The following CDC5L variants were observed in gnomAD, a reference collection of about 807,000 sequenced individuals.
CDC5L encodes cell division cycle 5 like, also known as cell division cycle 5-like protein.
Under a neutral mutation model 104.1 loss-of-function variants are expected in CDC5L, and 18 were observed. That is an observed-to-expected ratio of 0.17 (90% CI 0.12 to 0.26). The LOEUF (loss-of-function observed/expected upper bound fraction) is 0.26. Among genes scored for constraint, CDC5L ranks in the 10% least tolerant of loss-of-function variants. The pLI, the probability that CDC5L is intolerant of heterozygous loss-of-function variation, is 1.00. For missense variants in CDC5L, 673 were observed against 956.9 expected (o/e 0.70, Z 3.91); for synonymous variants, 331 against 322.7 (o/e 1.03, Z -0.28).
chr6:44,419,157 T>A (rs1229190460), intron 8 of CDC5L, among the ~76,000 whole-genome samples: 1 of 152,152 alleles, frequency 6.6e-6, no homozygotes, highest in East Asian at 1.9e-4. Flanking sequence ...CTTTAATCCA[T>A]CTTGAATTAA....
At chr6:44,399,795 A>G (rs1181363183) in intron 5 of CDC5L, among the ~76,000 whole-genome samples, 1 of 152,066 alleles carries the variant, frequency 6.6e-6, no homozygotes, top group Non-Finnish European at 1.5e-5. Flanking sequence ...CTGGGACTAC[A>G]GGTGCCCGCC....
chr6:44,423,145 A>G (rs111325207), intron 10 of CDC5L, among the ~76,000 whole-genome samples: 16 of 152,230 alleles, frequency 1.1e-4, no homozygotes, highest in African/African-American at 3.6e-4. Context: ...ATTGGGCCTT[A>G]TTATCTAATG....
intron 14 of CDC5L, among the ~76,000 whole-genome samples, chr6:44,434,191 T>G (rs1792820197): frequency 6.6e-6 from 1 of 152,180 alleles, no homozygotes; most frequent in Non-Finnish European, 1.5e-5. Context: ...CAACATGAAT[T>G]GAATTTGTTT....
chr6:44,388,679 T>C (rs1305744471), intron 1 of CDC5L, among the ~76,000 whole-genome samples: 1 of 151,576 alleles, frequency 6.6e-6, no homozygotes, highest in Non-Finnish European at 1.5e-5. Flanking sequence ...TGGCTTCTTT[T>C]TTTTTTTTTT....
At chr6:44,413,718 G>C (rs1199161514) in intron 8 of CDC5L, among the ~76,000 whole-genome samples, 2 of 152,062 alleles carry the variant, frequency 1.3e-5, no homozygotes, top group Non-Finnish European at 2.9e-5. Context: ...CGAGTAGCTG[G>C]TACTACAGGC....
chr6:44,429,692 T>G (rs1263379248), intron 13 of CDC5L, 21 bp from the exon 14 acceptor site: 2 of 1,607,126 alleles, frequency 1.2e-6, no homozygotes, highest in Non-Finnish European at 1.7e-6. Flanking sequence ...TTAAACTTAT[T>G]GAAATTATTA....
intron 8 of CDC5L, among the ~76,000 whole-genome samples, chr6:44,414,828 T>G (rs976967482): frequency 6.6e-6 from 1 of 152,220 alleles, no homozygotes; most frequent in African/African-American, 2.4e-5. Context: ...GCTTATGCAT[T>G]TAATCTTATC....
intron 5 of CDC5L, among the ~76,000 whole-genome samples, chr6:44,397,833 C>CTTTCCCCTTT (rs1561968275): frequency 1.3e-5 from 2 of 152,228 alleles, no homozygotes. Context: ...ATTTTCTTCA[C>CTTTCCCCTTT]TTTCCCCTTT....
intron 10 of CDC5L, 52 bp from the exon 11 acceptor site, chr6:44,424,367 T>C: frequency 3.3e-6 from 5 of 1,512,098 alleles, no homozygotes; most frequent in Non-Finnish European, 4.5e-6. Flanking sequence ...CATAAAATAC[T>C]GGTGGAATGT....
At chr6:44,441,325 G>GT (rs1247275441) in intron 14 of CDC5L, among the ~76,000 whole-genome samples, 1 of 152,122 alleles carries the variant, frequency 6.6e-6, no homozygotes, top group Non-Finnish European at 1.5e-5. Flanking sequence ...AGGATTTCCT[G>GT]TTTTTTAAAG....
At chr6:44,399,812 C>T (rs1791037471) in intron 5 of CDC5L, among the ~76,000 whole-genome samples, 1 of 152,086 alleles carries the variant, frequency 6.6e-6, no homozygotes, top group Non-Finnish European at 1.5e-5. Context: ...CGCCACCACA[C>T]CCGGCTAATT....
At chr6:44,411,633 A>AGTGTGTGTGTGTGT (rs780216018) in intron 8 of CDC5L, among the ~76,000 whole-genome samples, 16,930 of 57,266 alleles carry the variant, frequency 0.3, 1,202 homozygotes, top group South Asian at 0.37. Flanking sequence ...AGAGAGAGAG[A>AGTGTGTGTGTGTGT]GAGAGTGTGT....
chr6:44,441,929 G>GTTTTTTT (rs1185055855), intron 14 of CDC5L, among the ~76,000 whole-genome samples: 3 of 110,656 alleles, frequency 2.7e-5, no homozygotes, highest in African/African-American at 3.7e-5. Context: ...GTAAGGTCTT[G>GTTTTTTT]TTCTTTTTTT....
chr6:44,393,975 G>A (rs146820052), intron 4 of CDC5L, among the ~76,000 whole-genome samples: 1 of 152,262 alleles, frequency 6.6e-6, no homozygotes, highest in East Asian at 1.9e-4. Flanking sequence ...CCCCAATTCT[G>A]TCAGCAGTGT....
intron 14 of CDC5L, 69 bp downstream of exon 14, chr6:44,429,979 T>C: frequency 8.1e-7 from 1 of 1,240,192 alleles, no homozygotes; most frequent in Non-Finnish European, 1.1e-6. Context: ...ATAATGCCAC[T>C]GGAGACAATG....
At chr6:44,442,935 T>C (rs987730954) in intron 14 of CDC5L, among the ~76,000 whole-genome samples, 1 of 152,194 alleles carries the variant, frequency 6.6e-6, no homozygotes, top group Admixed American at 6.5e-5. Context: ...AAGTTAGCTA[T>C]TGATTGAAAA....
At chr6:44,437,976 G>T (rs190343760) in intron 14 of CDC5L, among the ~76,000 whole-genome samples, 2 of 152,164 alleles carry the variant, frequency 1.3e-5, no homozygotes, top group East Asian at 1.9e-4. Context: ...TGGAGACAGG[G>T]TCTTTCTCTG....
intron 7 of CDC5L, among the ~76,000 whole-genome samples, chr6:44,406,992 C>G (rs539163180): frequency 6.6e-6 from 1 of 152,230 alleles, no homozygotes; most frequent in East Asian, 1.9e-4. Context: ...ATAGCTTCAG[C>G]TTCTCTGTAT....
At chr6:44,403,183 G>A (rs1581645909) in intron 5 of CDC5L, among the ~76,000 whole-genome samples, 2 of 152,112 alleles carry the variant, frequency 1.3e-5, no homozygotes, top group South Asian at 4.1e-4. Context: ...AAAACTGAAT[G>A]GTGTTAATTA....
Sources: gnomAD v4.1 joint callset for allele counts (sites outside exome capture counted in the v4.1 genomes callset) on GRCh38, gnomAD v4.1.1 for gene constraint, MANE v1.5 for transcripts, NCBI Gene and HGNC (gene_info 2026-07-23, HGNC 2026-07-21) for gene names.